Variants in MAGI2 observed in about 807,000 individuals in gnomAD.
MAGI2 encodes membrane associated guanylate kinase, WW and PDZ domain containing 2.
A neutral mutation model predicts 133.3 loss-of-function variants in MAGI2; 35 were observed. The ratio of observed to expected loss-of-function variants is 0.26; its 90% confidence interval spans 0.20 to 0.35. MAGI2 has a LOEUF of 0.35. MAGI2 is among the 10% of genes least tolerant of loss of function. MAGI2 has a pLI of 1.00. For missense variants in MAGI2, 1,636 were observed against 1,863.4 expected (o/e 0.88, Z 2.25); for synonymous variants, 729 against 710.6 (o/e 1.03, Z -0.41).
chr7:79,325,408 A>G (rs952154128), intron 1 of MAGI2, among the ~76,000 whole-genome samples: 1 of 152,190 alleles, frequency 6.6e-6, no homozygotes, highest in Non-Finnish European at 1.5e-5. Context: ...AACCAGCTGC[A>G]TTTACTCTAT....
intron 1 of MAGI2, among the ~76,000 whole-genome samples, chr7:79,452,407 A>G (rs897046115): frequency 6.6e-6 from 1 of 152,102 alleles, no homozygotes; most frequent in Admixed American, 6.6e-5. Flanking sequence ...GGGGACACGG[A>G]GTGAAGAAGG....
At chr7:79,170,505 A>G (rs1825423327) in intron 1 of MAGI2, among the ~76,000 whole-genome samples, 1 of 152,048 alleles carries the variant, frequency 6.6e-6, no homozygotes, top group Non-Finnish European at 1.5e-5. Flanking sequence ...AATCAAAAGT[A>G]GATTGATATA....
intron 2 of MAGI2, among the ~76,000 whole-genome samples, chr7:78,678,529 C>T (rs1481368825): frequency 6.6e-6 from 1 of 152,116 alleles, no homozygotes; most frequent in Non-Finnish European, 1.5e-5. Flanking sequence ...AACCCCCTTC[C>T]TTCTGTAATG....
chr7:78,977,487 GAAAGAAAGAAAGAAAGA>G (rs1804381136), intron 2 of MAGI2, among the ~76,000 whole-genome samples: 1 of 20,632 alleles, frequency 4.8e-5, no homozygotes, highest in Non-Finnish European at 1.7e-4. Context: ...AAGAAAGAAA[GAAAGAAAGAAAGAAAGA>G]AAGAAAGAAA....
intron 9 of MAGI2, among the ~76,000 whole-genome samples, chr7:78,342,879 A>G (rs1167827981): frequency 6.6e-6 from 1 of 152,210 alleles, no homozygotes; most frequent in Non-Finnish European, 1.5e-5. Flanking sequence ...TGATGGGTCC[A>G]GCAAACCACC....
intron 2 of MAGI2, among the ~76,000 whole-genome samples, chr7:78,917,919 C>T (rs1028340265): frequency 3.9e-5 from 6 of 152,138 alleles, no homozygotes; most frequent in South Asian, 4.1e-4. Context: ...GTGCATTGAG[C>T]TTCCATGCCC....
chr7:79,407,397 TA>T (rs1285301203), intron 1 of MAGI2, among the ~76,000 whole-genome samples: 1 of 152,176 alleles, frequency 6.6e-6, no homozygotes, highest in Non-Finnish European at 1.5e-5. Context: ...TATGGCTCAC[TA>T]TGAACTTTTC....
chr7:78,954,115 A>G (rs370922255), intron 2 of MAGI2, among the ~76,000 whole-genome samples: 3 of 152,122 alleles, frequency 2.0e-5, no homozygotes, highest in East Asian at 3.9e-4. Flanking sequence ...CTTAAAATGT[A>G]TCCTATTACA....
rs529291751 is a variant in MAGI2, at chr7:79,397,734, C to T, written c.301+55286G>A. On this transcript the variant is annotated intron_variant, in intron 1 of 21. Coordinates refer to ENST00000354212, the MANE Select transcript of MAGI2 (RefSeq NM_012301.4). ...ACAATTATTTTGCTTTCATAAATTG[C>T]TTCTTCACATCATTTGCTCATTCTG... is the stretch of plus-strand genomic sequence containing the variant. 3.3e-5 allele frequency among the ~76,000 whole-genome samples: 5 copies of T among 152,224 alleles called. No homozygotes were observed. In the South Asian group the frequency reaches 1.0e-3, roughly 32 times the overall value.
chr7:78,148,799 C>T (rs189537393), intron 16 of MAGI2, among the ~76,000 whole-genome samples: 4 of 152,194 alleles, frequency 2.6e-5, no homozygotes, highest in Admixed American at 2.0e-4. Flanking sequence ...GCACAGACAT[C>T]AGTGGGCCCT....
intron 3 of MAGI2, among the ~76,000 whole-genome samples, chr7:78,542,489 C>T (rs1025400327): frequency 1.3e-5 from 2 of 151,870 alleles, no homozygotes; most frequent in African/African-American, 2.4e-5. Flanking sequence ...ATCAGAATAC[C>T]GTAAGAGAGG....
chr7:78,521,587 TAC>T lies in MAGI2; in HGVS notation c.595_596del (p.Val199AsnfsTer13). ...PAEPAPLLLN[V>X]TDQILPGATP... ...TGGCTCCTGGAAGTATCTGGTCTGT[TAC>T]ATTTAACAATAATGGTGCTGGTTCT... On this transcript the variant is annotated frameshift_variant, in exon 4 of 22. Coordinates refer to ENST00000354212, the MANE Select transcript of MAGI2 (RefSeq NM_012301.4). LOFTEE classifies it high-confidence loss of function. 1 of 1,614,150 alleles carries T rather than the reference TAC, an allele frequency of 6.2e-7. No individual in the cohort carries two copies. Among genetic ancestry groups the T allele is most frequent in the Non-Finnish European group, 8.5e-7 (1 of 1,180,008 alleles).
intron 6 of MAGI2, chr7:78,485,251 A>G (rs2110629): frequency 6.6e-6 from 1 of 151,720 alleles, no homozygotes; most frequent in East Asian, 1.9e-4. Context: ...CTTGCTAAAC[A>G]GCACTCCCCC....
chr7:78,912,015 A>C (rs2151616838), intron 2 of MAGI2, among the ~76,000 whole-genome samples: 1 of 152,328 alleles, frequency 6.6e-6, no homozygotes, highest in East Asian at 1.9e-4. Context: ...CTAATGCAGC[A>C]AACCAAAAAT....
At chr7:78,407,004 T>G (rs1562954051) in intron 6 of MAGI2, among the ~76,000 whole-genome samples, 1 of 152,066 alleles carries the variant, frequency 6.6e-6, no homozygotes, top group African/African-American at 2.4e-5. Context: ...AAAATCCTCT[T>G]CTGAAGAAGC....
At chr7:78,922,133 C>CTTTT (rs1478599812) in intron 2 of MAGI2, among the ~76,000 whole-genome samples, 2 of 140,718 alleles carry the variant, frequency 1.4e-5, no homozygotes, top group Non-Finnish European at 3.1e-5. Context: ...TTCTTTCTTT[C>CTTTT]TTTCTTTCTT....
rs199759726 is a variant in MAGI2 at position 79,066,133 on chromosome 7, CAT to C, written c.302-58929_302-58928del. Among the ~76,000 whole-genome samples, 595 of 152,242 alleles carry C rather than the reference CAT, an allele frequency of 3.9e-3. 12 individuals carry two copies. The East Asian group carries it at 0.071, about 18-fold the overall frequency. ...TAGTTCTAGATCCTTGAGGAATCGC[CAT>C]AGTGTCTGCCACAATGGTTGAACTA... On this transcript the variant is annotated intron_variant, in intron 1 of 21. Coordinates refer to ENST00000354212, the MANE Select transcript of MAGI2 (RefSeq NM_012301.4).
intron 16 of MAGI2, among the ~76,000 whole-genome samples, chr7:78,153,690 G>T (rs993883968): frequency 6.6e-6 from 1 of 152,328 alleles, no homozygotes; most frequent in African/African-American, 2.4e-5. Flanking sequence ...TGAAAAATAT[G>T]ATCTAGGCCT....
At chr7:78,261,368 T>G (rs951660728) in intron 9 of MAGI2, among the ~76,000 whole-genome samples, 1 of 152,168 alleles carries the variant, frequency 6.6e-6, no homozygotes, top group East Asian at 1.9e-4. Context: ...ATTTCCTTCC[T>G]CACCTCTTCA....
Sources: allele counts gnomAD v4.1 joint callset (sites outside exome capture counted in the v4.1 genomes callset), GRCh38; gene constraint gnomAD v4.1.1; transcripts MANE v1.5; gene names NCBI Gene and HGNC (gene_info 2026-07-23, HGNC 2026-07-21).